CHST11: variants seen among roughly 807,000 people sequenced by gnomAD.
CHST11 encodes carbohydrate sulfotransferase 11, also known as C4S-1.
CHST11 carries 9 observed loss-of-function variants against 30.4 expected under a neutral mutation model. That is an observed-to-expected ratio of 0.30 (90% confidence interval 0.18 to 0.52). CHST11 has a LOEUF of 0.52. Among genes scored for constraint, CHST11 ranks in the 20% least tolerant of loss-of-function variants. The probability of loss-of-function intolerance (pLI) is 0.97; values close to 1 mark genes in which losing one functional copy is unlikely to be tolerated. For synonymous variants in CHST11, 152 were observed against 187.8 expected, an observed-to-expected ratio of 0.81 and a Z score of 1.56; for missense variants, 348 against 460.6, an observed-to-expected ratio of 0.76 and a Z score of 2.24.
Position 104,458,387 on chromosome 12 carries a change from AC to A in CHST11, c.118+862del, listed in dbSNP as rs1370380615. Among the ~76,000 whole-genome samples the A allele has an allele frequency of 1.3e-5, 2 of 152,154 alleles. No homozygotes were observed. The highest frequency in any genetic ancestry group is 2.4e-5 in the African/African-American group (1 of 41,452). On this transcript the variant is annotated intron_variant, in intron 1 of 2. Coordinates refer to ENST00000303694, the MANE Select transcript of CHST11 (RefSeq NM_018413.6). The surrounding 1 kb of genome is among the most constrained non-coding windows in gnomAD (Gnocchi z 5.7). ...AATCCCCCGGGCGGCGTGGGAATGA[AC>A]CCCATTCCTCCGGTCCCTTGTGGCT...
At chr12:104,730,433 C>T (rs897253098) in intron 2 of CHST11, among the ~76,000 whole-genome samples, 3 of 152,212 alleles carry the variant, frequency 2.0e-5, no homozygotes, top group Admixed American at 6.5e-5. Flanking sequence ...CACCTGGCAA[C>T]TGTTTACTGA....
At chr12:104,557,391 T>A (rs766877128) in intron 1 of CHST11, among the ~76,000 whole-genome samples, 2 of 152,052 alleles carry the variant, frequency 1.3e-5, no homozygotes, top group Non-Finnish European at 2.9e-5. Context: ...TTGGACCTGA[T>A]CCTGGACTAG....
At chr12:104,649,832 G>A (rs1472251225) in intron 2 of CHST11, among the ~76,000 whole-genome samples, 1 of 152,200 alleles carries the variant, frequency 6.6e-6, no homozygotes, top group Non-Finnish European at 1.5e-5. Context: ...ACTCAGCATG[G>A]TGAGCTCACA....
intron 1 of CHST11, among the ~76,000 whole-genome samples, chr12:104,522,943 A>G (rs964062928): frequency 3.9e-5 from 6 of 152,084 alleles, no homozygotes; most frequent in African/African-American, 1.4e-4. Flanking sequence ...TCATTTTTTC[A>G]TGCTTGATTT....
chr12:104,702,357 G>A (rs1049055155), intron 2 of CHST11, among the ~76,000 whole-genome samples: 6 of 152,216 alleles, frequency 3.9e-5, no homozygotes, highest in Non-Finnish European at 7.3e-5. Flanking sequence ...CTGCACAGCA[G>A]CTCTAATTTG....
intron 2 of CHST11, among the ~76,000 whole-genome samples, chr12:104,734,665 C>T (rs1427871912): frequency 6.6e-6 from 1 of 152,188 alleles, no homozygotes; most frequent in Non-Finnish European, 1.5e-5. Context: ...TCATTCCACC[C>T]TTCACCCCAT....
intron 2 of CHST11, among the ~76,000 whole-genome samples, chr12:104,696,057 C>G (rs775950531): frequency 6.6e-6 from 1 of 152,142 alleles, no homozygotes; most frequent in Non-Finnish European, 1.5e-5. Context: ...TCTGAGGGTA[C>G]ACAATGCAAC....
intron 2 of CHST11, among the ~76,000 whole-genome samples, chr12:104,661,634 A>T (rs1304532188): frequency 6.6e-6 from 1 of 152,202 alleles, no homozygotes; most frequent in African/African-American, 2.4e-5. Flanking sequence ...GACATTTAGG[A>T]AGCAAGAGAG....
intron 1 of CHST11, among the ~76,000 whole-genome samples, chr12:104,511,554 T>G (rs1241253597): frequency 6.6e-6 from 1 of 152,198 alleles, no homozygotes; most frequent in African/African-American, 2.4e-5. Context: ...GCTTTTTTAG[T>G]ATGCTGAATG....
chr12:104,602,644 G>T lies in CHST11; in HGVS notation c.204+653G>T, dbSNP rs540223746. Among the ~76,000 whole-genome samples the T allele has an allele frequency of 6.6e-5, 10 of 152,330 alleles. 1 individual carries two copies. The South Asian group carries it at 1.9e-3, about 28-fold the overall frequency. ...CATGGCAACAGCCTCAGTGGTGTGTGTGGGTCTTGATGTGGAGACTCTGGG... is the reference window on the plus strand; with the variant it reads ...CATGGCAACAGCCTCAGTGGTGTGTTTGGGTCTTGATGTGGAGACTCTGGG... On this transcript the variant is annotated intron_variant, in intron 2 of 2. Transcript: ENST00000303694.
chr12:104,613,889 G>T (rs76037796), intron 2 of CHST11, among the ~76,000 whole-genome samples: 3,386 of 152,294 alleles, frequency 0.022, 114 homozygotes, highest in South Asian at 0.08. Context: ...ATGGTTACCA[G>T]AGGTGGTGAA....
chr12:104,707,722 A>T (rs529367093), intron 2 of CHST11, among the ~76,000 whole-genome samples: 3 of 152,342 alleles, frequency 2.0e-5, no homozygotes, highest in African/African-American at 7.2e-5. Context: ...ACTGACATAC[A>T]TGGGATCATT....
At chr12:104,627,684 TTCTC>T (rs2039228865) in intron 2 of CHST11, among the ~76,000 whole-genome samples, 1 of 152,238 alleles carries the variant, frequency 6.6e-6, no homozygotes, top group Admixed American at 6.5e-5. Flanking sequence ...GGGCTTCTTA[TTCTC>T]TCCTTTTGGG....
rs559062609 is a variant in CHST11 at position 104,483,852 on chromosome 12, C to T, written c.118+26323C>T. Among the ~76,000 whole-genome samples the T allele has an allele frequency of 2.6e-5, 4 of 152,186 alleles. 1 individual carries two copies. Among genetic ancestry groups the T allele is most frequent in the African/African-American group, 9.6e-5 (4 of 41,508 alleles). ...TCGGGGAGGACTGTGGCTCTTCTTA[C>T]CTGCTGTTGAAGCTGGCCTGGTGGA... On this transcript the variant is annotated intron_variant, in intron 1 of 2. Coordinates refer to ENST00000303694, the MANE Select transcript of CHST11 (RefSeq NM_018413.6).
At chr12:104,724,723 C>T (rs1250304212) in intron 2 of CHST11, among the ~76,000 whole-genome samples, 1 of 151,992 alleles carries the variant, frequency 6.6e-6, no homozygotes, top group Admixed American at 6.6e-5. Context: ...GTGGAGCTGC[C>T]GCAGTTGCCT....
intron 2 of CHST11, among the ~76,000 whole-genome samples, chr12:104,705,386 A>C (rs1437373836): frequency 6.6e-6 from 1 of 152,178 alleles, no homozygotes. Context: ...TATGAGGACC[A>C]GGGGTCGCAG....
chr12:104,526,548 C>T (rs980340196), intron 1 of CHST11, among the ~76,000 whole-genome samples: 3 of 152,138 alleles, frequency 2.0e-5, no homozygotes, highest in African/African-American at 4.8e-5. Flanking sequence ...TGTTAATGGG[C>T]TTCCTGCTGG....
chr12:104,565,522 C>T (rs1423519434), intron 1 of CHST11, among the ~76,000 whole-genome samples: 1 of 152,086 alleles, frequency 6.6e-6, no homozygotes, highest in Admixed American at 6.5e-5. Flanking sequence ...CTGCCTCGGC[C>T]TCCCAAAGTG....
intron 2 of CHST11, among the ~76,000 whole-genome samples, chr12:104,705,721 G>A (rs1362091698): frequency 1.3e-5 from 2 of 152,112 alleles, no homozygotes; most frequent in African/African-American, 2.4e-5. Context: ...AGGAGTTTGA[G>A]AACAGCCTGG....
Sources: gnomAD v4.1 joint callset for allele counts (sites outside exome capture counted in the v4.1 genomes callset) on GRCh38, gnomAD v4.1.1 for gene constraint, Gnocchi (gnomAD v3.1) non-coding constraint, MANE v1.5 for transcripts, NCBI Gene and HGNC (gene_info 2026-07-23, HGNC 2026-07-21) for gene names.